The following ZNF385D variants were observed in gnomAD, a reference collection of about 807,000 sequenced individuals.
ZNF385D encodes the protein zinc finger protein 659.
ZNF385D carries 15 observed loss-of-function variants against 35.8 expected under a neutral mutation model. The observed-to-expected ratio is 0.42, with a 90% confidence interval of 0.28 to 0.64. ZNF385D has a LOEUF of 0.64. Among genes scored for constraint, ZNF385D ranks in the 30% least tolerant of loss-of-function variants. The pLI is 0.23. For synonymous variants in ZNF385D, 212 were observed against 186.8 expected (o/e 1.13, Z -1.10); for missense variants, 474 against 494.6 (o/e 0.96, Z 0.39).
rs536911702 is a variant in ZNF385D, at chr3:21,850,433, T to C, written c.326-185405A>G. Among the ~76,000 whole-genome samples the C allele has an allele frequency of 5.3e-5, 8 of 152,196 alleles. No individual in the cohort carries two copies. The South Asian group carries it at 1.7e-3, about 32-fold the overall frequency. The stretch of plus-strand genomic sequence containing the variant: ...GTGAAGTGCAGTAGTCTCTTTGAGC[T>C]GTAGACACAAAAATCAGAGATTGAC... On this transcript the variant is annotated intron_variant, in intron 3 of 5. Transcript: ENST00000494108.
At chr3:21,952,647 T>C (rs1254497391) in intron 3 of ZNF385D, among the ~76,000 whole-genome samples, 1 of 151,980 alleles carries the variant, frequency 6.6e-6, no homozygotes, top group Non-Finnish European at 1.5e-5. Context: ...ACTTCAAATT[T>C]AACTACTAAC....
chr3:21,944,612 G>C (rs192141055), intron 3 of ZNF385D, among the ~76,000 whole-genome samples: 1 of 152,128 alleles, frequency 6.6e-6, no homozygotes, highest in African/African-American at 2.4e-5. Flanking sequence ...TTTGCACATT[G>C]TATTTTCAAA....
At chr3:22,117,113 T>G (rs1702851877) in intron 3 of ZNF385D, among the ~76,000 whole-genome samples, 1 of 152,064 alleles carries the variant, frequency 6.6e-6, no homozygotes, top group Non-Finnish European at 1.5e-5. Context: ...GAGTTCCCAC[T>G]GGTGAGGCTT....
intron 3 of ZNF385D, among the ~76,000 whole-genome samples, chr3:21,870,055 T>G (rs1418160119): frequency 6.6e-6 from 1 of 152,120 alleles, no homozygotes; most frequent in Non-Finnish European, 1.5e-5. Flanking sequence ...TCATTCTCAT[T>G]GTTAAATTTG....
At chr3:22,180,474 C>T (rs1695163720) in intron 2 of ZNF385D, among the ~76,000 whole-genome samples, 1 of 152,118 alleles carries the variant, frequency 6.6e-6, no homozygotes, top group African/African-American at 2.4e-5. Flanking sequence ...CTGGCAGAGA[C>T]ACAACACAAA....
intron 3 of ZNF385D, among the ~76,000 whole-genome samples, chr3:21,863,332 A>G (rs1011501983): frequency 6.6e-6 from 1 of 152,168 alleles, no homozygotes; most frequent in African/African-American, 2.4e-5. Flanking sequence ...AAGTGTAAGC[A>G]TTTCATTATA....
chr3:22,282,439 T>C (rs949127845), intron 2 of ZNF385D, among the ~76,000 whole-genome samples: 1 of 152,100 alleles, frequency 6.6e-6, no homozygotes. Flanking sequence ...GTCACTATTA[T>C]CATTTAGTTC....
intron 3 of ZNF385D, among the ~76,000 whole-genome samples, chr3:21,761,297 T>G (rs1039784075): frequency 1.3e-5 from 2 of 152,158 alleles, no homozygotes; most frequent in African/African-American, 4.8e-5. Context: ...CTACAACAAC[T>G]GTGTGAGATG....
intron 3 of ZNF385D, among the ~76,000 whole-genome samples, chr3:22,082,105 C>G (rs1158908592): frequency 6.7e-6 from 1 of 148,792 alleles, no homozygotes; most frequent in Non-Finnish European, 1.5e-5. Context: ...TGAATACGAA[C>G]AGCTCTGGTC....
intron 3 of ZNF385D, among the ~76,000 whole-genome samples, chr3:22,119,208 G>GA (rs1017530970): frequency 2.6e-5 from 4 of 151,914 alleles, no homozygotes; most frequent in African/African-American, 7.2e-5. Flanking sequence ...ACTTAATATA[G>GA]AAAAAATACC....
At chr3:21,594,030 A>G (rs1185310662) in intron 2 of ZNF385D, among the ~76,000 whole-genome samples, 1 of 152,180 alleles carries the variant, frequency 6.6e-6, no homozygotes. Context: ...CAGACAGTAG[A>G]CGCACAGCTT....
Position 22,063,926 on chromosome 3 carries a change from C to T in ZNF385D, c.325+104891G>A, listed in dbSNP as rs543260562. Among the ~76,000 whole-genome samples, 14 of 152,350 alleles carry T rather than the reference C, an allele frequency of 9.2e-5. No homozygotes were observed. In the East Asian group the frequency reaches 2.7e-3, roughly 29 times the overall value. ...CACCTTGATTTTCCATCTGCCCAGT[C>T]TTTCCTCCTTCCCTATAACCCACAG... is the stretch of plus-strand genomic sequence containing the variant. On this transcript the variant is annotated intron_variant, in intron 3 of 5. Coordinates refer to the ZNF385D transcript ENST00000494108.
chr3:21,753,427 G>C (rs1170462290), upstream of ZNF385D, among the ~76,000 whole-genome samples: 1 of 152,150 alleles, frequency 6.6e-6, no homozygotes, highest in Non-Finnish European at 1.5e-5. Context: ...TCAGCAGGGA[G>C]CATCTGGTAA....
chr3:22,325,217 A>G (rs1461015850), intron 2 of ZNF385D, among the ~76,000 whole-genome samples: 1 of 152,162 alleles, frequency 6.6e-6, no homozygotes, highest in South Asian at 2.1e-4. Context: ...CTGTTCTACA[A>G]ATTTTTAGAG....
chr3:21,749,104 C>A (rs1275190213), intron 1 of ZNF385D, among the ~76,000 whole-genome samples: 1 of 152,182 alleles, frequency 6.6e-6, no homozygotes, highest in Non-Finnish European at 1.5e-5. Context: ...ACACTGAGGG[C>A]AACTTTAGCC....
chr3:22,043,648 C>G (rs957351324), intron 3 of ZNF385D, among the ~76,000 whole-genome samples: 1 of 151,648 alleles, frequency 6.6e-6, no homozygotes, highest in African/African-American at 2.4e-5. Flanking sequence ...GGGTAGGTAA[C>G]TTCCGAGATG....
intron 3 of ZNF385D, among the ~76,000 whole-genome samples, chr3:21,944,857 A>G (rs972198730): frequency 9.2e-5 from 14 of 152,160 alleles, no homozygotes; most frequent in Non-Finnish European, 2.1e-4. Flanking sequence ...AGAAATGTAG[A>G]TATATATGTA....
chr3:21,766,272 C>A (rs1456576458), intron 3 of ZNF385D, among the ~76,000 whole-genome samples: 1 of 151,994 alleles, frequency 6.6e-6, no homozygotes. Flanking sequence ...GTAATGTATT[C>A]CTTATGTTTT....
At chr3:21,533,989 T>C (rs1477705827) in intron 3 of ZNF385D, among the ~76,000 whole-genome samples, 3 of 152,114 alleles carry the variant, frequency 2.0e-5, no homozygotes, top group East Asian at 1.9e-4. Context: ...ATATCAAATA[T>C]GAAGAGGAAA....
Sources: gnomAD v4.1 joint callset for allele counts (sites outside exome capture counted in the v4.1 genomes callset) on GRCh38, gnomAD v4.1.1 for gene constraint, MANE v1.5 for transcripts, NCBI Gene and HGNC (gene_info 2026-07-23, HGNC 2026-07-21) for gene names.